Variants in SPINK13 observed in about 807,000 individuals in gnomAD.
SPINK13 encodes the protein serine protease inhibitor Kazal-type 13.
Under a neutral mutation model 11.0 loss-of-function variants are expected in SPINK13, and 11 were observed. The observed-to-expected ratio is 1.00, with a 90% CI of 0.63 to 1.65. The LOEUF is 1.65. Among genes scored for constraint, SPINK13 ranks in the 40% most tolerant of loss-of-function variants. The probability of loss-of-function intolerance (pLI) is 0.00; values close to 1 mark genes in which losing one functional copy is unlikely to be tolerated. For synonymous variants in SPINK13, 31 were observed against 35.6 expected (o/e 0.87, Z 0.46); for missense variants, 113 against 117.7 (o/e 0.96, Z 0.19).
At chr5:148,285,303 A>T (rs1756574064) in intron 4 of SPINK13, among the ~76,000 whole-genome samples, 2 of 152,164 alleles carry the variant, frequency 1.3e-5, no homozygotes, top group South Asian at 4.1e-4. Flanking sequence ...TATATATCAA[A>T]GGTGAACCTG....
At chr5:148,280,755 G>C (rs375829476) in intron 3 of SPINK13, among the ~76,000 whole-genome samples, 1 of 152,194 alleles carries the variant, frequency 6.6e-6, no homozygotes, top group Admixed American at 6.5e-5. Flanking sequence ...CAGGAGGCAC[G>C]GGGGTCAGGG....
chr5:148,272,154 G>A (rs1756360762), intron 2 of SPINK13, among the ~76,000 whole-genome samples: 1 of 152,110 alleles, frequency 6.6e-6, no homozygotes. Context: ...AATTTATGAT[G>A]TTAAGAGCAG....
chr5:148,278,694 G>A (rs928685661), intron 3 of SPINK13, among the ~76,000 whole-genome samples: 9 of 152,138 alleles, frequency 5.9e-5, no homozygotes, highest in African/African-American at 2.2e-4. Flanking sequence ...TTCCAATAAT[G>A]TGTTCAATTT....
intron 2 of SPINK13, among the ~76,000 whole-genome samples, chr5:148,273,245 A>G (rs754637772): frequency 5.9e-5 from 9 of 151,858 alleles, no homozygotes; most frequent in Non-Finnish European, 1.3e-4. Context: ...AAATCTTTTT[A>G]GATTGTATAT....
Position 148,281,269 on chromosome 5 carries a change from A to G in SPINK13, c.109-835A>G, listed in dbSNP as rs183855879. Among the ~76,000 whole-genome samples the G allele has an allele frequency of 6.8e-3, 1,036 of 152,252 alleles. 14 individuals carry two copies. The highest frequency in any genetic ancestry group is 0.019 in the African/African-American group (810 of 41,552). Reference sequence around the variant, plus strand: ...CAAGACCACTTGGCTCCCTGGCTTCAGCCCCCTTTCCAGGTGAGTGAACAG... The same window carrying G: ...CAAGACCACTTGGCTCCCTGGCTTCGGCCCCCTTTCCAGGTGAGTGAACAG... On this transcript the variant is annotated intron_variant, in intron 3 of 4. Transcript: ENST00000398450.
intron 2 of SPINK13, among the ~76,000 whole-genome samples, chr5:148,273,167 A>G (rs1756374760): frequency 6.6e-6 from 1 of 151,912 alleles, no homozygotes; most frequent in South Asian, 2.1e-4. Context: ...TCTGCTCTTC[A>G]GTTAGGTTTC....
At chr5:148,278,544 G>C (rs555140569) in intron 3 of SPINK13, among the ~76,000 whole-genome samples, 9 of 152,310 alleles carry the variant, frequency 5.9e-5, no homozygotes, top group African/African-American at 2.2e-4. Flanking sequence ...AGCCATTCAG[G>C]AGCAGGTTGT....
chr5:148,279,916 T>C (rs1296448791), intron 3 of SPINK13, among the ~76,000 whole-genome samples: 1 of 152,220 alleles, frequency 6.6e-6, no homozygotes, highest in African/African-American at 2.4e-5. Flanking sequence ...CTTTCAAGTA[T>C]ACCAGTAAAA....
intron 4 of SPINK13, among the ~76,000 whole-genome samples, chr5:148,285,506 T>G (rs1160676392): frequency 1.3e-5 from 2 of 152,198 alleles, no homozygotes; most frequent in Non-Finnish European, 2.9e-5. Flanking sequence ...AGGAACATTA[T>G]GTATTTAGAG....
chr5:148,277,242 T>G (rs1756444308), intron 3 of SPINK13, among the ~76,000 whole-genome samples: 1 of 152,222 alleles, frequency 6.6e-6, no homozygotes, highest in Non-Finnish European at 1.5e-5. Flanking sequence ...TTTGACTTCC[T>G]CTTTTCCTAT....
intron 3 of SPINK13, among the ~76,000 whole-genome samples, chr5:148,278,876 C>T (rs1321073292): frequency 6.6e-6 from 1 of 152,076 alleles, no homozygotes; most frequent in Non-Finnish European, 1.5e-5. Context: ...TAAAGTCTTC[C>T]ACTATTATTG....
chr5:148,282,189 G>C lies in SPINK13; in HGVS notation c.194G>C (p.Gly65Ala). Residue 65 changes from glycine (G) to alanine (A), a missense_variant, in exon 4 of 5, where the codon GGC becomes GCC. Transcript: ENST00000398450. ...NVTAPVCASN[G>A]HTFQNECFFC... ...ACAGCACCTGTTTGTGCCTCAAATG[G>C]CCACACTTTCCAGAATGAGTGTTTC... 1 of 1,614,142 alleles carries C rather than the reference G, an allele frequency of 6.2e-7. No homozygotes were observed. Among genetic ancestry groups the C allele is most frequent in the Non-Finnish European group, 8.5e-7 (1 of 1,180,024 alleles).
chr5:148,279,818 T>C (rs1383622901), intron 3 of SPINK13, among the ~76,000 whole-genome samples: 1 of 152,224 alleles, frequency 6.6e-6, no homozygotes, highest in African/African-American at 2.4e-5. Flanking sequence ...CAAATTTGAA[T>C]GTTGGCCTGT....
chr5:148,282,744 C>T (rs1000064734), intron 4 of SPINK13, among the ~76,000 whole-genome samples: 19 of 152,176 alleles, frequency 1.2e-4, no homozygotes, highest in Non-Finnish European at 2.2e-4. Context: ...TGACAGTCAA[C>T]TTTTCATATT....
rs780550041 is a variant in SPINK13 at position 148,286,088 on chromosome 5, C to T, written c.*40C>T. On this transcript the variant is annotated 3_prime_UTR_variant, in exon 5 of 5. Coordinates refer to ENST00000398450, the MANE Select transcript of SPINK13 (RefSeq NM_001040129.3). ...ACTACACTTGCTTATTCTTTTTCTA[C>T]TTAATTCAGAATAGTATTTCTTTTA... is the stretch of plus-strand genomic sequence containing the variant. The T allele has an allele frequency of 6.2e-5, 78 of 1,254,550 alleles. No individual in the cohort carries two copies. The highest frequency in any genetic ancestry group is 7.5e-5 in the Non-Finnish European group (68 of 908,344). The allele number at this position is 1,254,550 out of a possible 1,614,324, so 77.7% of individuals were successfully genotyped here. A position where few individuals can be genotyped will look rare whatever the true frequency, so the allele number is the denominator to read the frequency against.
At chr5:148,283,836 A>G (rs922202196) in intron 4 of SPINK13, among the ~76,000 whole-genome samples, 1 of 152,212 alleles carries the variant, frequency 6.6e-6, no homozygotes, top group Non-Finnish European at 1.5e-5. Flanking sequence ...TACTAAAAAG[A>G]GCAGTGTAAG....
At chr5:148,279,091 C>CT (rs746029113) in intron 3 of SPINK13, among the ~76,000 whole-genome samples, 3,017 of 51,462 alleles carry the variant, frequency 0.059, 178 homozygotes, top group East Asian at 0.099. Context: ...GCAACCCCTG[C>CT]TTTTTTTTTT....
chr5:148,278,797 G>A (rs1171855726), intron 3 of SPINK13, among the ~76,000 whole-genome samples: 1 of 152,202 alleles, frequency 6.6e-6, no homozygotes, highest in Non-Finnish European at 1.5e-5. Flanking sequence ...ACTTGGTCCA[G>A]AGCTGACTTC....
chr5:148,286,013 C>A lies in SPINK13; in HGVS notation c.250C>A (p.Arg84Ser). Reference protein sequence around the residue: ...FCVEQREFHYRIKFEKYGKCD With the variant: ...FCVEQREFHYSIKFEKYGKCD ...TCTTCTCTTTAGGGAATTTCATTAT[C>A]GTATAAAATTTGAAAAATATGGAAA... The change falls in exon 5 of 5, where the codon CGT (arginine) becomes AGT (serine). Residue 84 changes from arginine (R) to serine (S), a missense_variant. Transcript: ENST00000398450. 1 of 1,463,806 alleles carries A rather than the reference C, an allele frequency of 6.8e-7. No individual in the cohort carries two copies. Among genetic ancestry groups the A allele is most frequent in the East Asian group, 2.4e-5 (1 of 41,598 alleles). 90.7% of individuals were successfully genotyped at this position (1,463,806 alleles called of 1,614,324 possible).
Sources: allele counts gnomAD v4.1 joint callset (sites outside exome capture counted in the v4.1 genomes callset), GRCh38; gene constraint gnomAD v4.1.1; transcripts MANE v1.5; gene names NCBI Gene and HGNC (gene_info 2026-07-23, HGNC 2026-07-21).